Variants in TUSC3 observed in about 807,000 individuals in gnomAD.
The protein encoded by TUSC3 is dolichyl-diphosphooligosaccharide--protein glycosyltransferase subunit TUSC3.
A neutral mutation model predicts 44.8 loss-of-function variants in TUSC3; 45 were observed. The observed-to-expected ratio is 1.00, with a 90% CI of 0.79 to 1.29. The LOEUF (loss-of-function observed/expected upper bound fraction) is 1.29, where lower values mean the gene tolerates loss of function less well. Ranked by LOEUF, TUSC3 falls within the 50% of genes most tolerant of loss-of-function variation. The pLI is 0.00. For missense variants in TUSC3, 519 were observed against 437.9 expected (o/e 1.19, Z -1.65); for synonymous variants, 212 against 152.9 (o/e 1.39, Z -2.85).
chr8:15,453,181 C>T (rs914477814), intron 1 of TUSC3, among the ~76,000 whole-genome samples: 1 of 152,130 alleles, frequency 6.6e-6, no homozygotes, highest in Non-Finnish European at 1.5e-5. Flanking sequence ...AAACTGCCAA[C>T]TGGGAGTGTT....
chr8:15,767,357 C>T (rs1244258756), downstream of TUSC3, among the ~76,000 whole-genome samples: 1 of 151,010 alleles, frequency 6.6e-6, no homozygotes, highest in Non-Finnish European at 1.5e-5. Context: ...TATCTATTTC[C>T]ATTAAAAATT....
At chr8:15,534,652 A>C (rs1427813207) in intron 2 of TUSC3, among the ~76,000 whole-genome samples, 2 of 151,710 alleles carry the variant, frequency 1.3e-5, no homozygotes, top group East Asian at 3.9e-4. Context: ...TTAAAAAAAA[A>C]AAAAAAAAAA....
At chr8:15,582,090 C>G (rs1418462162) in intron 1 of TUSC3, among the ~76,000 whole-genome samples, 4 of 151,632 alleles carry the variant, frequency 2.6e-5, no homozygotes, top group Admixed American at 2.0e-4. Context: ...GTCTGTCACC[C>G]CTTTCTTTGA....
At chr8:15,667,120 C>T (rs531177616) in intron 5 of TUSC3, among the ~76,000 whole-genome samples, 40 of 151,628 alleles carry the variant, frequency 2.6e-4, no homozygotes, top group Admixed American at 2.6e-4. Flanking sequence ...ACTTCATGCA[C>T]GGCTCATCTC....
chr8:15,499,931 G>T (rs1350026876), intron 2 of TUSC3, among the ~76,000 whole-genome samples: 1 of 152,126 alleles, frequency 6.6e-6, no homozygotes, highest in Non-Finnish European at 1.5e-5. Flanking sequence ...GAACCCAGAT[G>T]AATACACTTG....
intron 6 of TUSC3, among the ~76,000 whole-genome samples, chr8:15,701,836 A>G (rs1254792579): frequency 1.3e-5 from 2 of 152,164 alleles, no homozygotes; most frequent in African/African-American, 4.8e-5. Flanking sequence ...CTGTTTATCC[A>G]AGTTGTATGG....
intron 2 of TUSC3, among the ~76,000 whole-genome samples, chr8:15,515,146 C>A (rs532624895): frequency 6.6e-6 from 1 of 152,184 alleles, no homozygotes; most frequent in African/African-American, 2.4e-5. Context: ...AAATGGGAGT[C>A]TTCTGACTTT....
intron 6 of TUSC3, among the ~76,000 whole-genome samples, chr8:15,686,011 A>C (rs1211815392): frequency 6.6e-6 from 1 of 152,160 alleles, no homozygotes; most frequent in Non-Finnish European, 1.5e-5. Flanking sequence ...GAATATAAAG[A>C]AAATTAATAG....
intron 9 of TUSC3, among the ~76,000 whole-genome samples, chr8:15,755,290 G>T (rs1406436212): frequency 3.9e-5 from 6 of 152,124 alleles, no homozygotes; most frequent in African/African-American, 1.4e-4. Flanking sequence ...TTACATGAGA[G>T]AATGCTTGGA....
chr8:15,644,570 T>C (rs2129173009), intron 2 of TUSC3, among the ~76,000 whole-genome samples: 1 of 152,280 alleles, frequency 6.6e-6, no homozygotes, highest in Middle Eastern at 3.4e-3. Context: ...TCTGAATTTC[T>C]TTATCTGTCA....
At chr8:15,603,593 A>T (rs1181129054) in intron 1 of TUSC3, among the ~76,000 whole-genome samples, 1 of 151,692 alleles carries the variant, frequency 6.6e-6, no homozygotes, top group African/African-American at 2.4e-5. Context: ...TTATTACAAT[A>T]TAAAAATATG....
intron 1 of TUSC3, among the ~76,000 whole-genome samples, chr8:15,480,519 A>T (rs1009015613): frequency 6.6e-6 from 1 of 152,224 alleles, no homozygotes; most frequent in Non-Finnish European, 1.5e-5. Flanking sequence ...TGTTAATAGC[A>T]GGAACTCTTG....
At chr8:15,423,969 G>GTTTTTTTTTTTTT (rs112397215) in intron 1 of TUSC3, among the ~76,000 whole-genome samples, 10 of 70,390 alleles carry the variant, frequency 1.4e-4, no homozygotes, top group Non-Finnish European at 2.2e-4. Flanking sequence ...GTTTTGCTTT[G>GTTTTTTTTTTTTT]TTTTTTTTTT....
chr8:15,742,244 T>C (rs946278817), intron 7 of TUSC3, among the ~76,000 whole-genome samples: 19 of 152,164 alleles, frequency 1.2e-4, no homozygotes, highest in African/African-American at 4.3e-4. Context: ...GGGGCTTTTC[T>C]CTTGTATATG....
At chr8:15,564,379 A>C (rs1380791356) in intron 1 of TUSC3, among the ~76,000 whole-genome samples, 1 of 152,184 alleles carries the variant, frequency 6.6e-6, no homozygotes, top group Admixed American at 6.5e-5. Context: ...TCCAGCTGTC[A>C]ACAGAGTAGT....
rs142574216 is a variant in TUSC3 at position 15,650,660 on chromosome 8, C to T, written c.309-37C>T. 3.5e-4 allele frequency: 555 copies of T among 1,569,070 alleles called. No homozygotes were observed. In the African/African-American group the frequency reaches 4.4e-3, roughly 12 times the overall value. ...TAACTGCTTTGTAGATGCTTCAGTA[C>T]TGATGTGTTTCTACTATGGCCCATT... On this transcript the variant is annotated intron_variant, in intron 2 of 10. Coordinates refer to ENST00000503731, the MANE Select transcript of TUSC3 (RefSeq NM_006765.4).
rs1171963722 is a variant in TUSC3 at position 15,599,703 on chromosome 8, T to G, written c.139-23377T>G. ...TTTGCTCCGTTATATTGCTTGTGGT[T>G]TTTTTTTTTTTTTGTCAAAGATCAG... On this transcript the variant is annotated intron_variant, in intron 1 of 10. Transcript: ENST00000503731. 4.5e-5 allele frequency among the ~76,000 whole-genome samples: 4 copies of G among 88,052 alleles called. No individual in the cohort carries two copies. In the Admixed American group the frequency reaches 4.6e-4, roughly 10 times the overall value. 57.8% of individuals were successfully genotyped at this position (88,052 alleles called of 152,430 possible).
the TUSC3 span, among the ~76,000 whole-genome samples, chr8:15,800,152 C>A: frequency 1.3e-5 from 2 of 152,158 alleles, no homozygotes; most frequent in Non-Finnish European, 2.9e-5. Flanking sequence ...AATGGATAGT[C>A]CAGAACACAG....
intron 1 of TUSC3, among the ~76,000 whole-genome samples, chr8:15,418,968 G>A (rs1799692543): frequency 6.6e-6 from 1 of 152,054 alleles, no homozygotes; most frequent in African/African-American, 2.4e-5. Flanking sequence ...ATCAAACACT[G>A]CACTCCAGCC....
Sources: allele counts gnomAD v4.1 joint callset (sites outside exome capture counted in the v4.1 genomes callset), GRCh38; gene constraint gnomAD v4.1.1; transcripts MANE v1.5; gene names NCBI Gene and HGNC (gene_info 2026-07-23, HGNC 2026-07-21).